Variants in SPATA31C2 observed in about 807,000 individuals in gnomAD.
The protein encoded by SPATA31C2 is spermatogenesis-associated protein 31C2.
SPATA31C2 carries 5 observed loss-of-function variants against 11.4 expected under a neutral mutation model. The observed-to-expected ratio is 0.44, with a 90% confidence interval of 0.23 to 0.92. The LOEUF is 0.92. Ranked by LOEUF, SPATA31C2 falls within the 40% of genes least tolerant of loss-of-function variation. The probability of loss-of-function intolerance (pLI) is 0.24; values close to 1 mark genes in which losing one functional copy is unlikely to be tolerated. For synonymous variants in SPATA31C2, 515 were observed against 538.7 expected, an observed-to-expected ratio of 0.96 and a Z score of 0.61; for missense variants, 1,353 against 1,368.6, an observed-to-expected ratio of 0.99 and a Z score of 0.18.
intron 1 of SPATA31C2, among the ~76,000 whole-genome samples, chr9:88,137,641 GCACA>G (rs1161448758): frequency 1.7e-5 from 2 of 118,770 alleles, no homozygotes; most frequent in Non-Finnish European, 3.4e-5. Flanking sequence ...AAACACACAC[GCACA>G]CACACAGGGA....
rs1825586941 is a variant in SPATA31C2 at position 88,131,240 on chromosome 9, G to C, written c.1797C>G (p.Ser599=). The change falls in exon 4 of 4, where the codon TCC becomes TCG. Residue 599 remains serine (S), a synonymous_variant. Coordinates refer to ENST00000324915, the MANE Select transcript of SPATA31C2 (RefSeq NM_001350978.3). ...EGLIPVSVRR[S]WLAVNQAFPV... ...GAAAAGCCTGGTTGACAGCAAGCCA[G>C]GATCGACGCACACTCACGGGGATCA... The C allele has an allele frequency of 1.2e-6, 2 of 1,611,914 alleles. No individual in the cohort carries two copies. The highest frequency in any genetic ancestry group is 1.7e-6 in the Non-Finnish European group (2 of 1,179,858).
At position 88,131,997 on chromosome 9, in the gene SPATA31C2, G is replaced by C. The variant is rs1483949799; in HGVS notation, c.1040C>G (p.Pro347Arg). The change falls in exon 4 of 4, where the codon CCT (proline) becomes CGT (arginine). Residue 347 changes from proline (P) to arginine (R), a missense_variant. By Grantham distance (103) the Pro-to-Arg change is moderately radical. Around this residue, in one of 6 missense-constraint regions of SPATA31C2, gnomAD observed 1,075 missense variants for 992.8 expected, o/e 1.08. Transcript: ENST00000324915. ...GGCCTGAGCCTCGGCCTGAGCCATA[G>C]GTGTGGGCCAGAATTGGGGTGTGGA... Reference protein sequence around the residue: ...ISSTPQFWPTPMAQAEAQAHL... With the variant: ...ISSTPQFWPTRMAQAEAQAHL... The C allele has an allele frequency of 2.5e-6, 4 of 1,611,086 alleles. No homozygotes were observed. Among genetic ancestry groups the C allele is most frequent in the African/African-American group, 2.7e-5 (2 of 74,986 alleles).
In SPATA31C2 at chr9:88,132,599, C is replaced by A; in HGVS notation, c.438G>T (p.Glu146Asp). 3.7e-6 allele frequency: 6 copies of A among 1,610,068 alleles called. No homozygotes were observed. Among genetic ancestry groups the A allele is most frequent in the Non-Finnish European group, 5.1e-6 (6 of 1,177,644 alleles). ...TPDGASRSSH[E>D]PTEDAAPIVS... ...CAATGGGAGCAGCGTCTTCCGTAGGCTCATGAGAGGACCGGGAGGCTCCAT... is the reference window on the plus strand; with the variant it reads ...CAATGGGAGCAGCGTCTTCCGTAGGATCATGAGAGGACCGGGAGGCTCCAT... Residue 146 changes from glutamate to aspartate, a missense_variant, in exon 4 of 4, where the codon GAG becomes GAT. By Grantham distance (45) the Glu-to-Asp change is conservative. Around this residue, in one of 6 missense-constraint regions of SPATA31C2, gnomAD observed 1,075 missense variants for 992.8 expected, o/e 1.08. Coordinates refer to ENST00000324915, the MANE Select transcript of SPATA31C2 (RefSeq NM_001350978.3).
Position 88,132,152 on chromosome 9 carries a change from G to A in SPATA31C2, c.885C>T (p.Thr295=). 2 of 1,610,650 alleles carry A rather than the reference G, an allele frequency of 1.2e-6. No homozygotes were observed. The highest frequency in any genetic ancestry group is 1.7e-6 in the Non-Finnish European group (2 of 1,177,596). The change falls in exon 4 of 4, where the codon ACC becomes ACT. Residue 295 remains threonine, a synonymous_variant. Transcript: ENST00000324915. The stretch of plus-strand genomic sequence containing the variant: ...GGACTGACGAGTTGAAGACGCACCA[G>A]GTTTTGGTAGTCTCCTGCGACCAGG... ...ALSWSQETTK[T]WCVFNSSVQQ...
rs758937536 is a variant in SPATA31C2, at chr9:88,131,052, G to A, written c.1985C>T (p.Pro662Leu). Residue 662 changes from proline (P) to leucine (L), a missense_variant, in exon 4 of 4, where the codon CCC (proline) becomes CTC (leucine). Coordinates refer to ENST00000324915, the MANE Select transcript of SPATA31C2 (RefSeq NM_001350978.3). ...RFWAKHRWGLPLRVLKPIQCF... is the reference protein window; with the variant it reads ...RFWAKHRWGLLLRVLKPIQCF... ...CTGAATGGGCTTGAGGACCCTGAGG[G>A]GTAGACCCCACCTGTGTTTGGCCCA... 4 of 1,612,008 alleles carry A rather than the reference G, an allele frequency of 2.5e-6. No homozygotes were observed. In the South Asian group the frequency reaches 4.4e-5, roughly 18 times the overall value.
chr9:88,132,645 T>C lies in SPATA31C2; in HGVS notation c.392A>G (p.Glu131Gly), dbSNP rs1825621300. The C allele has an allele frequency of 6.2e-7, 1 of 1,609,156 alleles. No homozygotes were observed. ...TCCATCAGGTGTTCTTTTGCCCACC[T>C]CACCTGGCGGGTCTGGACCAGAGAG... The part of the protein sequence containing the change: ...GQLSGPDPPG[E>G]VGKRTPDGAS... Residue 131 changes from glutamate (E) to glycine (G), a missense_variant, in exon 4 of 4, where the codon GAG becomes GGG. By Grantham distance (98) the Glu-to-Gly change is moderately conservative. Transcript: ENST00000324915.
At chr9:88,137,945 C>A (rs1327894757) in intron 1 of SPATA31C2, among the ~76,000 whole-genome samples, 4 of 112,672 alleles carry the variant, frequency 3.6e-5, no homozygotes, top group African/African-American at 1.0e-4. Flanking sequence ...TGACCAGAGA[C>A]CTCCCCCGTC....
At chr9:88,133,488 C>G in intron 2 of SPATA31C2, 106 bp downstream of exon 2, 1 of 1,467,040 alleles carries the variant, frequency 6.8e-7, no homozygotes, top group Admixed American at 1.9e-5. Flanking sequence ...TGATTTCCTT[C>G]CTAGGAGCCC....
At position 88,132,839 on chromosome 9, in the gene SPATA31C2, C is replaced by T. The variant is rs1169337471; in HGVS notation, c.326+127G>A. Reference sequence around the variant, plus strand: ...CCCAATTCTCCTGCTACCCCTCGCCCCAGGGCTTTACTCCCATCCTCTGTC... The same window carrying T: ...CCCAATTCTCCTGCTACCCCTCGCCTCAGGGCTTTACTCCCATCCTCTGTC... On this transcript the variant is annotated intron_variant, in intron 3 of 3. Transcript: ENST00000324915. 4 of 1,287,292 alleles carry T rather than the reference C, an allele frequency of 3.1e-6. 2 individuals are homozygous for T. In the African/African-American group the frequency reaches 8.1e-5, roughly 26 times the overall value. 79.7% of individuals were successfully genotyped at this position (1,287,292 alleles called of 1,614,324 possible).
rs1587687244 is a variant in SPATA31C2, at chr9:88,130,684, T to A, written c.2353A>T (p.Arg785Trp). Residue 785 changes from arginine to tryptophan, a missense_variant, in exon 4 of 4, where the codon AGG becomes TGG. Physicochemically the swap from Arg to Trp is moderately radical, Grantham distance 101. Coordinates refer to ENST00000324915, the MANE Select transcript of SPATA31C2 (RefSeq NM_001350978.3). ...YSLTGSTQQSRSLGAQSSRAG... is the reference protein window; with the variant it reads ...YSLTGSTQQSWSLGAQSSRAG... ...CTTGAAGATTGGGCTCCTAAGCTCC[T>A]GCTCTGCTGGGTGCTGCCTGTGAGG... The A allele has an allele frequency of 7.4e-6, 12 of 1,613,924 alleles. No homozygotes were observed. In the East Asian group the frequency reaches 2.7e-4, roughly 36 times the overall value.
chr9:88,130,927 C>G lies in SPATA31C2; in HGVS notation c.2110G>C (p.Ala704Pro). ...ESGAGSKVEV[A>P]TFLGEPPMAS... ...ATTGGTGGCTCTCCAAGGAACGTGG[C>G]CACCTCAACTTTTGAGCCAGCCCCA... The change falls in exon 4 of 4, where the codon GCC becomes CCC. Residue 704 changes from alanine (A) to proline (P), a missense_variant. Physicochemically the swap from Ala to Pro is conservative, Grantham distance 27. This residue lies in a region of SPATA31C2 where 1,075 missense variants were observed against 992.8 expected (regional missense o/e 1.08). Transcript: ENST00000324915. 1 of 1,613,652 alleles carries G rather than the reference C, an allele frequency of 6.2e-7. No homozygotes were observed. The highest frequency in any genetic ancestry group is 2.2e-5 in the East Asian group (1 of 44,860).
At chr9:88,134,496 C>G (rs1403036453) in intron 1 of SPATA31C2, among the ~76,000 whole-genome samples, 2 of 149,760 alleles carry the variant, frequency 1.3e-5, no homozygotes, top group Non-Finnish European at 3.0e-5. Flanking sequence ...CGTCTCATGA[C>G]CGGTCCTGGC....
In SPATA31C2 at chr9:88,132,480, G is replaced by A. The variant is rs1825616961; in HGVS notation, c.557C>T (p.Ser186Phe). 6.2e-7 allele frequency: 1 copy of A among 1,611,130 alleles called. No individual in the cohort carries two copies. The highest frequency in any genetic ancestry group is 8.5e-7 in the Non-Finnish European group (1 of 1,178,038). ...PPGPMTTSVS[S>F]LSASQPPEPS... ...TTCTGGTGGCTGGGAGGCACTTAGG[G>A]AGGAGACTGAGGTGGTCATTGGGCC... Residue 186 changes from serine (S) to phenylalanine (F), a missense_variant, in exon 4 of 4, where the codon TCC becomes TTC. This residue lies in a region of SPATA31C2 where 1,075 missense variants were observed against 992.8 expected (regional missense o/e 1.08). Transcript: ENST00000324915.
rs614696 is a variant in SPATA31C2, at chr9:88,130,449, T to A, written c.2588A>T (p.Lys863Met). 695 of 1,612,890 alleles carry A rather than the reference T, an allele frequency of 4.3e-4. 6 individuals carry two copies. The African/African-American group carries it at 7.6e-3, about 18-fold the overall frequency. The change falls in exon 4 of 4, where the codon AAG (lysine) becomes ATG (methionine). Residue 863 changes from lysine to methionine, a missense_variant. Transcript: ENST00000324915. The part of the protein sequence containing the change: ...EEAVSEFEPG[K>M]ATKSETQPQV... The stretch of plus-strand genomic sequence containing the variant: ...AGGCTGGGTCTCTGACTTCGTGGCC[T>A]TTCCAGGCTCAAATTCACTAACAGC...
rs746767409 is a variant in SPATA31C2 at position 88,132,366 on chromosome 9, G to C, written c.671C>G (p.Pro224Arg). The change falls in exon 4 of 4, where the codon CCG becomes CGG. Residue 224 changes from proline to arginine, a missense_variant. Around this residue, in one of 6 missense-constraint regions of SPATA31C2, gnomAD observed 1,075 missense variants for 992.8 expected, o/e 1.08. Transcript: ENST00000324915. Reference protein sequence around the residue: ...PRTPDPLACSPPPPKGFTPPP... With the variant: ...PRTPDPLACSRPPPKGFTPPP... ...AGGAGTGAAGCCTTTCGGAGGAGGC[G>C]GAGAGCAGGCCAGAGGATCAGGAGT... The C allele has an allele frequency of 6.2e-7, 1 of 1,610,964 alleles. No individual in the cohort carries two copies. Among genetic ancestry groups the C allele is most frequent in the East Asian group, 2.2e-5 (1 of 44,732 alleles).
At chr9:88,136,365 C>T (rs1341361639) in intron 1 of SPATA31C2, among the ~76,000 whole-genome samples, 1 of 136,638 alleles carries the variant, frequency 7.3e-6, no homozygotes. Flanking sequence ...GTGCCTTTAG[C>T]CCATTTTCTA....
In SPATA31C2 at chr9:88,131,994, A is replaced by G. The variant is rs1034453844; in HGVS notation, c.1043T>C (p.Met348Thr). ...SSTPQFWPTP[M>T]AQAEAQAHLQ... is the part of the protein sequence containing the mutation. ...ATGGGCCTGAGCCTCGGCCTGAGCC[A>G]TAGGTGTGGGCCAGAATTGGGGTGT... The change falls in exon 4 of 4, where the codon ATG becomes ACG. Residue 348 changes from methionine (M) to threonine (T), a missense_variant. By Grantham distance (81) the Met-to-Thr change is moderately conservative. Around this residue, in one of 6 missense-constraint regions of SPATA31C2, gnomAD observed 1,075 missense variants for 992.8 expected, o/e 1.08. Coordinates refer to ENST00000324915, the MANE Select transcript of SPATA31C2 (RefSeq NM_001350978.3). 1.2e-6 allele frequency: 2 copies of G among 1,610,944 alleles called. No homozygotes were observed. Among genetic ancestry groups the G allele is most frequent in the Non-Finnish European group, 1.7e-6 (2 of 1,177,876 alleles).
chr9:88,133,999 C>T (rs1236120174), intron 1 of SPATA31C2, among the ~76,000 whole-genome samples: 2 of 151,622 alleles, frequency 1.3e-5, no homozygotes, highest in Non-Finnish European at 2.9e-5. Flanking sequence ...ACTAAAAATA[C>T]AAAAATTAGC....
rs757833975 is a variant in SPATA31C2, at chr9:88,132,197, G to C, written c.840C>G (p.Asn280Lys). The part of the protein sequence containing the change: ...VPGISGLGGS[N>K]SQVSALSWSQ... ...ACCAGGAGAGGGCAGAAACTTGACT[G>C]TTTGAGCCGCCAAGGCCTGAGATGC... is the stretch of plus-strand genomic sequence containing the variant. Residue 280 changes from asparagine to lysine, a missense_variant, in exon 4 of 4, where the codon AAC (asparagine) becomes AAG (lysine). Physicochemically the swap from Asn to Lys is moderately conservative, Grantham distance 94. Coordinates refer to ENST00000324915, the MANE Select transcript of SPATA31C2 (RefSeq NM_001350978.3). The C allele has an allele frequency of 3.4e-5, 55 of 1,610,472 alleles. 1 individual carries two copies. The South Asian group carries it at 5.5e-4, about 16-fold the overall frequency.
Sources: gnomAD v4.1 joint callset for allele counts (sites outside exome capture counted in the v4.1 genomes callset) on GRCh38, gnomAD v4.1.1 for gene constraint, gnomAD v4.1.1 regional missense constraint, MANE v1.5 for transcripts, NCBI Gene and HGNC (gene_info 2026-07-23, HGNC 2026-07-21) for gene names.